Variants in ERC2 observed in about 807,000 individuals in gnomAD.
The protein encoded by ERC2 is ELKS/RAB6-interacting/CAST family member 2.
A neutral mutation model predicts 114.8 loss-of-function variants in ERC2; 42 were observed. The ratio of observed to expected loss-of-function variants is 0.37; its 90% CI spans 0.29 to 0.47. The LOEUF (loss-of-function observed/expected upper bound fraction) is 0.47. ERC2 is among the 20% of genes least tolerant of loss of function. The pLI, the probability that ERC2 is intolerant of heterozygous loss-of-function variation, is 0.99. For synonymous variants in ERC2, 454 were observed against 425.5 expected (o/e 1.07, Z -0.82); for missense variants, 939 against 1,150.7 (o/e 0.82, Z 2.66).
chr3:56,427,830 G>A (rs575078620), intron 2 of ERC2, among the ~76,000 whole-genome samples: 101 of 152,228 alleles, frequency 6.6e-4, no homozygotes, highest in Admixed American at 9.8e-4. Flanking sequence ...GACAGTAAAT[G>A]TCTGCTGTTC....
chr3:55,517,229 CCAGGAGTT>C (rs1331529985), intron 17 of ERC2, among the ~76,000 whole-genome samples: 1 of 151,862 alleles, frequency 6.6e-6, no homozygotes, highest in African/African-American at 2.4e-5. Context: ...TCACTTGAGT[CCAGGAGTT>C]CAAGACCAGC....
chr3:55,888,472 T>C lies in ERC2; in HGVS notation c.2481A>G (p.Gln827=), dbSNP rs1033034862. Residue 827 remains glutamine (Q), a synonymous_variant, in exon 14 of 18, where the codon CAA becomes CAG. Transcript: ENST00000288221. The part of the protein sequence containing the change: ...DATKARLAST[Q]QSLAEKEAHL... ...GCGCTTCTTTTTCGGCCAGGGACTG[T>C]TGTGTGGAGGCGAGGCGTGCTTTGG... 4 of 1,613,870 alleles carry C rather than the reference T, an allele frequency of 2.5e-6. No homozygotes were observed. The highest frequency in any genetic ancestry group is 2.5e-6 in the Non-Finnish European group (3 of 1,179,842).
intron 14 of ERC2, among the ~76,000 whole-genome samples, chr3:55,737,041 G>T (rs1481815852): frequency 6.6e-6 from 1 of 152,060 alleles, no homozygotes; most frequent in Admixed American, 6.6e-5. Flanking sequence ...AACTTCCCTC[G>T]CACACAAGGC....
Position 56,103,347 on chromosome 3 carries a change from G to A in ERC2, c.1474-22363C>T, listed in dbSNP as rs572469554. Reference sequence around the variant, plus strand: ...TCTGGGTTTTATCTTGATGGCAATAGGAAGTGGCATGATCAAATATGCCCG... The same window carrying A: ...TCTGGGTTTTATCTTGATGGCAATAAGAAGTGGCATGATCAAATATGCCCG... On this transcript the variant is annotated intron_variant, in intron 6 of 17. Coordinates refer to ENST00000288221, the MANE Select transcript of ERC2 (RefSeq NM_015576.3). 6.6e-5 allele frequency among the ~76,000 whole-genome samples: 10 copies of A among 152,264 alleles called. No individual in the cohort carries two copies. The East Asian group carries it at 1.9e-3, about 29-fold the overall frequency.
intron 10 of ERC2, 51 bp downstream of exon 10, chr3:56,007,130 T>C (rs1420922016): frequency 6.7e-7 from 1 of 1,493,776 alleles, no homozygotes; most frequent in Admixed American, 2.3e-5. Context: ...TGTTCCATTT[T>C]ATAAATTCAT....
chr3:55,605,834 G>A (rs1214674394), intron 17 of ERC2, among the ~76,000 whole-genome samples: 1 of 152,160 alleles, frequency 6.6e-6, no homozygotes, highest in African/African-American at 2.4e-5. Context: ...GTACAACATT[G>A]ATGAACATAT....
chr3:56,131,011 G>A (rs1519030), intron 6 of ERC2, among the ~76,000 whole-genome samples: 4,229 of 152,200 alleles, frequency 0.028, 62 homozygotes, highest in Middle Eastern at 0.065. Flanking sequence ...AGGGGAAAGT[G>A]TGTTGTTTGG....
chr3:55,920,446 A>ACACCCCCCC (rs57638674), intron 13 of ERC2, among the ~76,000 whole-genome samples: 55 of 145,538 alleles, frequency 3.8e-4, no homozygotes, highest in Middle Eastern at 3.5e-3. Context: ...ACACACACAC[A>ACACCCCCCC]CCCCAAGTGA....
chr3:56,054,705 C>T (rs1459187540), intron 7 of ERC2, among the ~76,000 whole-genome samples: 1 of 152,124 alleles, frequency 6.6e-6, no homozygotes, highest in Non-Finnish European at 1.5e-5. Context: ...CTAGTAAGTC[C>T]CTAGTTCAAT....
intron 17 of ERC2, among the ~76,000 whole-genome samples, chr3:55,513,235 T>G (rs1428713788): frequency 6.6e-6 from 1 of 152,242 alleles, no homozygotes; most frequent in Non-Finnish European, 1.5e-5. Flanking sequence ...CTGTTTATAA[T>G]CCCGTTGCCC....
At chr3:55,856,210 G>T (rs1027127797) in intron 14 of ERC2, among the ~76,000 whole-genome samples, 1 of 152,320 alleles carries the variant, frequency 6.6e-6, no homozygotes, top group Admixed American at 6.5e-5. Context: ...ACATTAGCCA[G>T]GCAGCAGGCT....
chr3:56,363,092 A>G (rs2059020055), intron 2 of ERC2, among the ~76,000 whole-genome samples: 1 of 152,218 alleles, frequency 6.6e-6, no homozygotes, highest in Non-Finnish European at 1.5e-5. Context: ...ATATAGAAGG[A>G]AATAAAGAAG....
At position 55,793,063 on chromosome 3, in the gene ERC2, C is replaced by CTTATT. The variant is rs540238369; in HGVS notation, c.2565-58150_2565-58146dup. Among the ~76,000 whole-genome samples the CTTATT allele has an allele frequency of 7.3e-3, 1,110 of 152,146 alleles. 14 individuals are homozygous for CTTATT. The highest frequency in any genetic ancestry group is 0.023 in the African/African-American group (963 of 41,490). On this transcript the variant is annotated intron_variant, in intron 14 of 17. Transcript: ENST00000288221. ...GATAACTGTGGATGCAATTTATTTACTTATTTTATTTTATTTTATTTTGAG... is the reference window on the plus strand; with the variant it reads ...GATAACTGTGGATGCAATTTATTTACTTATTTTATTTTATTTTATTTTATTTTGAG...
intron 17 of ERC2, among the ~76,000 whole-genome samples, chr3:55,536,477 A>G (rs2054007386): frequency 6.6e-6 from 1 of 152,202 alleles, no homozygotes; most frequent in Non-Finnish European, 1.5e-5. Context: ...TGTGCCTGAT[A>G]CAGAGTATGT....
rs189358300 is a variant in ERC2, at chr3:55,510,629, T to G, written c.*687A>C. ...TAAAAAATTGATTTCTTTTCCAACC[T>G]GGCCCAGAGGTGACTACTGGTTACA... On this transcript the variant is annotated 3_prime_UTR_variant, in exon 18 of 18. Transcript: ENST00000288221. The G allele has an allele frequency of 2.0e-5, 3 of 152,652 alleles. No individual in the cohort carries two copies. Among genetic ancestry groups the G allele is most frequent in the Non-Finnish European group, 4.4e-5 (3 of 68,042 alleles). The allele number at this position is 152,652 out of a possible 1,614,324, so 9.5% of individuals were successfully genotyped here.
intron 14 of ERC2, among the ~76,000 whole-genome samples, chr3:55,852,214 T>C (rs1294965677): frequency 6.6e-6 from 1 of 152,184 alleles, no homozygotes; most frequent in Non-Finnish European, 1.5e-5. Context: ...GGTGAGTCTC[T>C]GTCTCGAAAA....
intron 14 of ERC2, among the ~76,000 whole-genome samples, chr3:55,743,042 T>C (rs2066066379): frequency 6.6e-6 from 1 of 152,228 alleles, no homozygotes; most frequent in South Asian, 2.1e-4. Flanking sequence ...CAGCCCAGAC[T>C]TCTTAATGTG....
At chr3:56,180,798 T>C (rs571347606) in intron 3 of ERC2, among the ~76,000 whole-genome samples, 1 of 152,226 alleles carries the variant, frequency 6.6e-6, no homozygotes, top group Non-Finnish European at 1.5e-5. Flanking sequence ...GTAAATTTTA[T>C]ATCATGTGTA....
intron 8 of ERC2, among the ~76,000 whole-genome samples, chr3:56,011,899 TC>T (rs764900321): frequency 1.8e-4 from 27 of 152,048 alleles, no homozygotes; most frequent in Non-Finnish European, 3.2e-4. Context: ...TGATTTAAGA[TC>T]CCCCGAGGAA....
Sources: allele counts gnomAD v4.1 joint callset (sites outside exome capture counted in the v4.1 genomes callset), GRCh38; gene constraint gnomAD v4.1.1; transcripts MANE v1.5; gene names NCBI Gene and HGNC (gene_info 2026-07-23, HGNC 2026-07-21).